The following PHACTR3 variants were observed in gnomAD, a reference collection of about 807,000 sequenced individuals.
PHACTR3 encodes the protein protein phosphatase 1, regulatory subunit 123.
A neutral mutation model predicts 66.8 loss-of-function variants in PHACTR3; 16 were observed. The observed-to-expected ratio is 0.24, with a 90% CI of 0.16 to 0.36. The LOEUF is 0.36. Among genes scored for constraint, PHACTR3 ranks in the 10% least tolerant of loss-of-function variants. PHACTR3 has a pLI of 1.00. For missense variants in PHACTR3, 647 were observed against 719.9 expected (o/e 0.90, Z 1.16); for synonymous variants, 323 against 292.1 (o/e 1.11, Z -1.08).
intron 1 of PHACTR3, among the ~76,000 whole-genome samples, chr20:59,655,364 G>T (rs1411944220): frequency 2.0e-5 from 3 of 151,952 alleles, no homozygotes; most frequent in Non-Finnish European, 2.9e-5. Flanking sequence ...TTCCAGAGTT[G>T]TGCAACTATC....
At chr20:59,807,576 C>T (rs1029684301) in intron 8 of PHACTR3, among the ~76,000 whole-genome samples, 8 of 152,096 alleles carry the variant, frequency 5.3e-5, no homozygotes, top group African/African-American at 1.9e-4. Context: ...GTAACATAGT[C>T]CTTTCATATC....
intron 1 of PHACTR3, among the ~76,000 whole-genome samples, chr20:59,739,005 G>C (rs941004280): frequency 1.3e-5 from 2 of 152,114 alleles, no homozygotes; most frequent in Admixed American, 6.5e-5. Context: ...GAAAGGAGAG[G>C]ATGAGAACAT....
chr20:59,694,656 G>A (rs552659120), intron 1 of PHACTR3, among the ~76,000 whole-genome samples: 1 of 152,294 alleles, frequency 6.6e-6, no homozygotes, highest in African/African-American at 2.4e-5. Context: ...CTCATTGACT[G>A]CATCTGTGTG....
chr20:59,705,084 G>A (rs1243979817), intron 1 of PHACTR3, among the ~76,000 whole-genome samples: 1 of 151,666 alleles, frequency 6.6e-6, no homozygotes, highest in Non-Finnish European at 1.5e-5. Flanking sequence ...AGCCATCCAA[G>A]TAGCTGGGAT....
intron 6 of PHACTR3, 82 bp downstream of exon 6, chr20:59,773,535 C>G: frequency 8.6e-6 from 12 of 1,388,006 alleles, no homozygotes; most frequent in Non-Finnish European, 9.5e-6. Context: ...TCATGCCACG[C>G]CCAGGGCCTT....
At chr20:59,813,022 G>A (rs1481531242) in intron 8 of PHACTR3, among the ~76,000 whole-genome samples, 2 of 152,234 alleles carry the variant, frequency 1.3e-5, no homozygotes, top group African/African-American at 2.4e-5. Flanking sequence ...CTTGTGGACA[G>A]GGCCGGGAAG....
intron 12 of PHACTR3, among the ~76,000 whole-genome samples, chr20:59,846,054 TA>T (rs1358584459): frequency 2.0e-5 from 3 of 152,214 alleles, no homozygotes; most frequent in Admixed American, 2.0e-4. Flanking sequence ...TCTCTGATTC[TA>T]AAGCAGATGA....
intron 1 of PHACTR3, among the ~76,000 whole-genome samples, chr20:59,596,854 G>A (rs6070858): frequency 6.6e-6 from 1 of 152,224 alleles, no homozygotes; most frequent in Non-Finnish European, 1.5e-5. Flanking sequence ...ACCAGTGAAA[G>A]GCCATTTCCT....
chr20:59,639,975 G>A (rs2035044874), intron 1 of PHACTR3, among the ~76,000 whole-genome samples: 1 of 152,196 alleles, frequency 6.6e-6, no homozygotes, highest in South Asian at 2.1e-4. Context: ...TTCCAATTCT[G>A]GCATTGTAAG....
At chr20:59,807,850 C>G (rs113110034) in intron 8 of PHACTR3, among the ~76,000 whole-genome samples, 2 of 152,174 alleles carry the variant, frequency 1.3e-5, no homozygotes, top group Admixed American at 1.3e-4. Flanking sequence ...TATACACATA[C>G]AGGTATATCC....
chr20:59,735,288 A>T (rs2038907966), intron 1 of PHACTR3, among the ~76,000 whole-genome samples: 1 of 151,888 alleles, frequency 6.6e-6, no homozygotes, highest in African/African-American at 2.4e-5. Context: ...CTCTGTCAAA[A>T]CTCAGAGCAG....
chr20:59,668,239 G>A (rs971846715), intron 1 of PHACTR3, among the ~76,000 whole-genome samples: 11 of 151,992 alleles, frequency 7.2e-5, no homozygotes, highest in African/African-American at 2.4e-4. Context: ...CATGGTTAGA[G>A]GTGGGCACAT....
At chr20:59,637,353 G>C (rs1432743314) in intron 1 of PHACTR3, among the ~76,000 whole-genome samples, 3 of 152,184 alleles carry the variant, frequency 2.0e-5, no homozygotes, top group Admixed American at 2.0e-4. Flanking sequence ...GTAGGTTAAA[G>C]AAATCACAGT....
intron 1 of PHACTR3, among the ~76,000 whole-genome samples, chr20:59,710,609 C>T (rs917805284): frequency 6.6e-6 from 1 of 152,016 alleles, no homozygotes; most frequent in Non-Finnish European, 1.5e-5. Context: ...TGACCTCTTT[C>T]TACAGAGCCT....
At chr20:59,779,783 A>G (rs946364) in intron 7 of PHACTR3, among the ~76,000 whole-genome samples, 131,542 of 152,302 alleles carry the variant, frequency 0.86, 57,616 homozygotes, top group Middle Eastern at 0.95. Flanking sequence ...CTATGCCCAC[A>G]TGCACATGCG....
At position 59,660,426 on chromosome 20, in the gene PHACTR3, G is replaced by A. The variant is rs376041167; in HGVS notation, c.118+55294G>A. On this transcript the variant is annotated intron_variant, in intron 1 of 12. Transcript: ENST00000371015. ...GGAGAATGGCGTGAATCCGGGAGGC[G>A]GAGCTTGCAGTGAGCCGAGATTGCG... 3.1e-4 allele frequency among the ~76,000 whole-genome samples: 47 copies of A among 152,320 alleles called. No homozygotes were observed. The East Asian group carries it at 4.4e-3, about 14-fold the overall frequency.
intron 8 of PHACTR3, among the ~76,000 whole-genome samples, chr20:59,822,020 G>GCGATCCCACCCCTTCCCCAGCA (rs1568856092): frequency 4.8e-5 from 1 of 20,800 alleles, no homozygotes; most frequent in Admixed American, 5.1e-4. Flanking sequence ...CTTCCCCAGC[G>GCGATCCCACCCCTTCCCCAGCA]ATCCCACCCC....
chr20:59,771,606 C>T (rs2040363969), intron 5 of PHACTR3, among the ~76,000 whole-genome samples: 1 of 151,992 alleles, frequency 6.6e-6, no homozygotes, highest in Non-Finnish European at 1.5e-5. Context: ...ACCACTCTCT[C>T]TCCCAGCCCT....
At chr20:59,713,689 T>C (rs1267345265) in intron 1 of PHACTR3, among the ~76,000 whole-genome samples, 1 of 152,228 alleles carries the variant, frequency 6.6e-6, no homozygotes, top group Non-Finnish European at 1.5e-5. Flanking sequence ...TTTCTAGTAT[T>C]TGGCTGTTAT....
Sources: allele counts gnomAD v4.1 joint callset (sites outside exome capture counted in the v4.1 genomes callset), GRCh38; gene constraint gnomAD v4.1.1; transcripts MANE v1.5; gene names NCBI Gene and HGNC (gene_info 2026-07-23, HGNC 2026-07-21).